Variants in SYNJ2 observed in about 807,000 individuals in gnomAD.
The protein encoded by SYNJ2 is synaptojanin 2, also known as polyphosphatidylinositol phosphatase SYNJ2.
SYNJ2 carries 116 observed loss-of-function variants against 141.3 expected under a neutral mutation model. That is an observed-to-expected ratio of 0.82 (90% CI 0.71 to 0.96). SYNJ2 has a LOEUF of 0.96. Among genes scored for constraint, SYNJ2 ranks in the 40% least tolerant of loss-of-function variants. SYNJ2 has a pLI of 0.00. For synonymous variants in SYNJ2, 745 were observed against 777.7 expected (o/e 0.96, Z 0.70); for missense variants, 1,873 against 1,934.8 (o/e 0.97, Z 0.60).
At chr6:158,021,175 ACTC>A (rs762991770) in intron 2 of SYNJ2, among the ~76,000 whole-genome samples, 1 of 152,064 alleles carries the variant, frequency 6.6e-6, no homozygotes, top group Non-Finnish European at 1.5e-5. Flanking sequence ...AAGGGACTCT[ACTC>A]CTATCCCAGA....
In SYNJ2 at chr6:158,072,248, AC is replaced by A. The variant is rs527760607; in HGVS notation, c.2133+457del. Among the ~76,000 whole-genome samples the A allele has an allele frequency of 3.9e-5, 6 of 152,090 alleles. No homozygotes were observed. The East Asian group carries it at 9.7e-4, about 25-fold the overall frequency. On this transcript the variant is annotated intron_variant, in intron 15 of 26. Transcript: ENST00000355585. Reference sequence around the variant, plus strand: ...ATAAGCACACCCTTTTGACCAATGGACCCTTTTTGACTGGGAACACGGTTCT... The same window carrying A: ...ATAAGCACACCCTTTTGACCAATGGACCTTTTTGACTGGGAACACGGTTCT...
intron 1 of SYNJ2, among the ~76,000 whole-genome samples, chr6:158,010,299 T>C (rs569570168): frequency 3.9e-5 from 6 of 152,390 alleles, no homozygotes; most frequent in South Asian, 2.1e-4. Flanking sequence ...GGATTTCTTC[T>C]TCCTTCAAAC....
chr6:158,088,426 T>C (rs1783220699), intron 23 of SYNJ2, among the ~76,000 whole-genome samples: 1 of 152,164 alleles, frequency 6.6e-6, no homozygotes. Context: ...CTAGTAATGC[T>C]TCTCCAGATC....
intron 22 of SYNJ2, among the ~76,000 whole-genome samples, chr6:158,085,091 C>T (rs1463683718): frequency 1.3e-5 from 2 of 151,286 alleles, no homozygotes; most frequent in East Asian, 1.9e-4. Context: ...ACAATCTCAG[C>T]TCACTACAAC....
At chr6:158,093,517 C>A (rs1783609184) in intron 26 of SYNJ2, among the ~76,000 whole-genome samples, 1 of 151,974 alleles carries the variant, frequency 6.6e-6, no homozygotes, top group African/African-American at 2.4e-5. Context: ...TCCTCACGTT[C>A]ATGAGTCCCA....
rs1562382626 is a variant in SYNJ2, at chr6:158,071,823, C to G, written c.2133+29C>G. On this transcript the variant is annotated intron_variant, in intron 15 of 26. Transcript: ENST00000355585. This position sits in a 1 kb window ranked among gnomAD's most constrained non-coding sequence, Gnocchi z 4.3. The stretch of plus-strand genomic sequence containing the variant: ...AGCGGCGCCGTGGGGACAGCCAGCA[C>G]CTCCCTGCTCAGCTCAGTCCCAAAT... 6.2e-7 allele frequency: 1 copy of G among 1,604,966 alleles called. No homozygotes were observed. The highest frequency in any genetic ancestry group is 8.5e-7 in the Non-Finnish European group (1 of 1,176,904).
At position 158,081,464 on chromosome 6, in the gene SYNJ2, C is replaced by T. The variant is rs778682179; in HGVS notation, c.2819C>T (p.Ala940Val). 2.1e-5 allele frequency: 34 copies of T among 1,614,050 alleles called. No homozygotes were observed. The highest frequency in any genetic ancestry group is 2.6e-5 in the Non-Finnish European group (31 of 1,180,014). Residue 940 changes from alanine (A) to valine (V), a missense_variant, in exon 20 of 27, where the codon GCA becomes GTA. Coordinates refer to ENST00000355585, the MANE Select transcript of SYNJ2 (RefSeq NM_003898.4). ...INQGQMLVTF[A>V]DSHSALSVLD... ...CAAGGGCAGATGCTGGTAACTTTTG[C>T]AGACAGTCACTCGGCTCTCAGTGTC...
At chr6:158,047,795 A>AAAAAAAAAAAAAAAAAAAAAAAC (rs1780332363) in intron 5 of SYNJ2, among the ~76,000 whole-genome samples, 1 of 149,080 alleles carries the variant, frequency 6.7e-6, no homozygotes, top group Non-Finnish European at 1.5e-5. Context: ...AAAAAAAAAA[A>AAAAAAAAAAAAAAAAAAAAAAAC]AAAAAAAAAA....
intron 2 of SYNJ2, among the ~76,000 whole-genome samples, chr6:158,026,532 C>G (rs1473732623): frequency 1.3e-5 from 2 of 152,132 alleles, no homozygotes; most frequent in African/African-American, 4.8e-5. Context: ...CTCCCTGGAC[C>G]CAGGAGCCCC....
Position 158,048,105 on chromosome 6 carries a change from T to C in SYNJ2, c.795+4706T>C, listed in dbSNP as rs141878542. Among the ~76,000 whole-genome samples, 874 of 152,290 alleles carry C rather than the reference T, an allele frequency of 5.7e-3. 8 individuals carry two copies. The highest frequency in any genetic ancestry group is 0.016 in the African/African-American group (677 of 41,540). On this transcript the variant is annotated intron_variant, in intron 5 of 26. Transcript: ENST00000355585. Reference sequence around the variant, plus strand: ...TCATCCCAAACATTCACTGAGCGTCTGCCAGGTGTAGGGGGCACCAGGGAT... The same window carrying C: ...TCATCCCAAACATTCACTGAGCGTCCGCCAGGTGTAGGGGGCACCAGGGAT...
intron 1 of SYNJ2, among the ~76,000 whole-genome samples, chr6:158,011,112 C>T (rs982567990): frequency 2.6e-5 from 4 of 151,228 alleles, no homozygotes; most frequent in South Asian, 2.1e-4. Flanking sequence ...GGGGACACCA[C>T]GCGGGGAGAG....
chr6:158,096,180 C>A lies in SYNJ2; in HGVS notation c.4307C>A (p.Pro1436His), dbSNP rs747698598. ...ACTTGGCTTTCTAAGAGCTCAGACC[C>A]TTTGGACTCAGGAACCAGGAGCCCC... ...NNTWLSKSSDPLDSGTRSPKR... is the reference protein window; with the variant it reads ...NNTWLSKSSDHLDSGTRSPKR... The change falls in exon 27 of 27, where the codon CCT (proline) becomes CAT (histidine). Residue 1436 changes from proline to histidine, a missense_variant. Coordinates refer to ENST00000355585, the MANE Select transcript of SYNJ2 (RefSeq NM_003898.4). The A allele has an allele frequency of 6.2e-7, 1 of 1,614,274 alleles. No homozygotes were observed. The highest frequency in any genetic ancestry group is 1.1e-5 in the South Asian group (1 of 91,084).
At chr6:157,990,514 C>T (rs1338985351) in intron 1 of SYNJ2, among the ~76,000 whole-genome samples, 1 of 152,138 alleles carries the variant, frequency 6.6e-6, no homozygotes, top group Non-Finnish European at 1.5e-5. Flanking sequence ...GATGTGGTCT[C>T]CCTGAGCAGA....
At chr6:158,082,967 C>T (rs1182344539) in intron 20 of SYNJ2, among the ~76,000 whole-genome samples, 1 of 151,698 alleles carries the variant, frequency 6.6e-6, no homozygotes, top group Admixed American at 6.6e-5. Context: ...GAGTCTTGCT[C>T]TGTCACCCAG....
intron 21 of SYNJ2, 42 bp downstream of exon 21, chr6:158,083,639 A>G (rs1782846585): frequency 1.9e-6 from 3 of 1,611,702 alleles, no homozygotes; most frequent in African/African-American, 1.3e-5. Flanking sequence ...CCGTTCTTCT[A>G]GCAACAGGCC....
intron 1 of SYNJ2, among the ~76,000 whole-genome samples, chr6:157,994,257 C>G (rs569570599): frequency 1.3e-5 from 2 of 152,326 alleles, no homozygotes; most frequent in African/African-American, 4.8e-5. Context: ...GGTGACCGTT[C>G]TCTGCAGCTC....
intron 2 of SYNJ2, among the ~76,000 whole-genome samples, chr6:158,021,439 C>T (rs1465818936): frequency 6.6e-6 from 1 of 152,222 alleles, no homozygotes; most frequent in African/African-American, 2.4e-5. Context: ...GTGTGGAGTG[C>T]TCCTCCAACA....
intron 24 of SYNJ2, among the ~76,000 whole-genome samples, 198 bp from the exon 25 acceptor site, chr6:158,089,641 C>T (rs766351712): frequency 8.5e-5 from 13 of 152,178 alleles, no homozygotes; most frequent in Non-Finnish European, 1.6e-4. Context: ...CCAGGGTCAT[C>T]AGGTCTAAGT....
intron 26 of SYNJ2, chr6:158,094,175 C>T: frequency 1.7e-6 from 1 of 590,692 alleles, no homozygotes; most frequent in Non-Finnish European, 3.0e-6. Context: ...TCATTGCCAT[C>T]TGTCCCTTGT....
Sources: gnomAD v4.1 joint callset for allele counts (sites outside exome capture counted in the v4.1 genomes callset) on GRCh38, gnomAD v4.1.1 for gene constraint, Gnocchi (gnomAD v3.1) non-coding constraint, MANE v1.5 for transcripts, NCBI Gene and HGNC (gene_info 2026-07-23, HGNC 2026-07-21) for gene names.